The following PLEKHH1 variants were observed in gnomAD, a reference collection of about 807,000 sequenced individuals.
PLEKHH1 encodes the protein pleckstrin homology, MyTH4 and FERM domain containing H1.
PLEKHH1 carries 104 observed loss-of-function variants against 160.0 expected under a neutral mutation model. That is an observed-to-expected ratio of 0.65 (90% CI 0.55 to 0.76). PLEKHH1 has a LOEUF of 0.76. PLEKHH1 is among the 30% of genes least tolerant of loss of function. The pLI is 0.00. For synonymous variants in PLEKHH1, 619 were observed against 678.4 expected (o/e 0.91, Z 1.36); for missense variants, 1,427 against 1,724.1 (o/e 0.83, Z 3.05).
intron 26 of PLEKHH1, among the ~76,000 whole-genome samples, chr14:67,584,598 A>G (rs912258800): frequency 3.3e-5 from 5 of 152,226 alleles, no homozygotes; most frequent in African/African-American, 1.2e-4. Flanking sequence ...CATAAACTTT[A>G]TAGATAATTA....
intron 2 of PLEKHH1, among the ~76,000 whole-genome samples, chr14:67,545,825 G>A (rs371445454): frequency 1.3e-5 from 2 of 152,076 alleles, no homozygotes; most frequent in African/African-American, 4.8e-5. Flanking sequence ...TACAGTTTAT[G>A]TACTTCTAAA....
intron 10 of PLEKHH1, 107 bp downstream of exon 10, chr14:67,572,009 C>T: frequency 6.7e-7 from 1 of 1,483,296 alleles, no homozygotes; most frequent in South Asian, 1.3e-5. Flanking sequence ...CTCGTGACCC[C>T]CCAGCAGCTC....
At chr14:67,542,897 T>C (rs1196924749) in intron 2 of PLEKHH1, among the ~76,000 whole-genome samples, 1 of 152,054 alleles carries the variant, frequency 6.6e-6, no homozygotes, top group Non-Finnish European at 1.5e-5. Context: ...ACGTGGTTTC[T>C]CCATGTTGGT....
intron 17 of PLEKHH1, 50 bp from the exon 18 acceptor site, chr14:67,577,252 C>A: frequency 3.5e-6 from 4 of 1,146,312 alleles, no homozygotes; most frequent in South Asian, 2.6e-5. Context: ...GGAGATGAGT[C>A]CCCTCTCAGT....
Position 67,582,158 on chromosome 14 carries a change from G to A in PLEKHH1, c.3374G>A (p.Arg1125Lys). ...SQTSREIVAG[R>K]FPINKELALE... Reference sequence around the variant, plus strand: ...ACCAGTAGAGAGATAGTGGCAGGGAGGTTTCCTATCAACAAGGAATTGGCT... The same window carrying A: ...ACCAGTAGAGAGATAGTGGCAGGGAAGTTTCCTATCAACAAGGAATTGGCT... Residue 1125 changes from arginine to lysine, a missense_variant, in exon 24 of 29, where the codon AGG becomes AAG. Physicochemically the swap from Arg to Lys is conservative, Grantham distance 26. Around this residue, in one of 6 missense-constraint regions of PLEKHH1, gnomAD observed 436 missense variants for 607.5 expected, o/e 0.72. Transcript: ENST00000329153. This position sits in a 1 kb window ranked among gnomAD's most constrained non-coding sequence, Gnocchi z 5.0. 2 of 1,613,552 alleles carry A rather than the reference G, an allele frequency of 1.2e-6. No individual in the cohort carries two copies. The highest frequency in any genetic ancestry group is 1.1e-5 in the South Asian group (1 of 91,002).
chr14:67,573,359 G>A lies in PLEKHH1; in HGVS notation c.1812G>A (p.Gln604=), dbSNP rs1306551437. The A allele has an allele frequency of 3.1e-6, 5 of 1,612,148 alleles. No homozygotes were observed. Among genetic ancestry groups the A allele is most frequent in the East Asian group, 2.2e-5 (1 of 44,872 alleles). The change falls in exon 12 of 29, where the codon CAG becomes CAA. Residue 604 remains glutamine, a synonymous_variant. Coordinates refer to ENST00000329153, the MANE Select transcript of PLEKHH1 (RefSeq NM_020715.3). This position sits in a 1 kb window ranked among gnomAD's most constrained non-coding sequence, Gnocchi z 4.8. ...AGAGGCGCTGGTTTGTCCTGAGACA[G>A]GGACAGATTATGTACTACAAGTCCC... is the stretch of plus-strand genomic sequence containing the variant. The part of the protein sequence containing the change: ...TWKRRWFVLR[Q]GQIMYYKSPS...
chr14:67,558,635 A>G (rs1051614612), intron 4 of PLEKHH1, among the ~76,000 whole-genome samples: 3 of 152,190 alleles, frequency 2.0e-5, no homozygotes, highest in Non-Finnish European at 2.9e-5. Flanking sequence ...CAATCTCATA[A>G]AAGAAAAGGC....
At chr14:67,586,798 C>T (rs2036187710) in intron 28 of PLEKHH1, 9 of 1,406,652 alleles carry the variant, frequency 6.4e-6, no homozygotes, top group African/African-American at 1.4e-5. Flanking sequence ...AAGGCCCCTT[C>T]CCTGGTTGTA....
At chr14:67,546,254 T>C (rs1485802074) in intron 2 of PLEKHH1, among the ~76,000 whole-genome samples, 1 of 152,224 alleles carries the variant, frequency 6.6e-6, no homozygotes, top group Non-Finnish European at 1.5e-5. Context: ...TCTGTCATGG[T>C]CCATTTCTTA....
intron 7 of PLEKHH1, among the ~76,000 whole-genome samples, chr14:67,563,352 C>T (rs2034930483): frequency 6.6e-6 from 1 of 151,642 alleles, no homozygotes; most frequent in African/African-American, 2.4e-5. Context: ...TGTGAAAGTA[C>T]TTACAGTAGT....
intron 15 of PLEKHH1, 147 bp from the exon 16 acceptor site, chr14:67,575,676 T>C: frequency 1.4e-6 from 1 of 722,992 alleles, no homozygotes; most frequent in East Asian, 2.7e-5. Flanking sequence ...GCTGCCAGCC[T>C]GGCTGGGATG....
intron 5 of PLEKHH1, among the ~76,000 whole-genome samples, chr14:67,561,311 G>A (rs1055248687): frequency 3.3e-5 from 5 of 152,232 alleles, no homozygotes; most frequent in Non-Finnish European, 5.9e-5. Context: ...AGCACTTTGG[G>A]AGACCTAGGC....
intron 1 of PLEKHH1, among the ~76,000 whole-genome samples, chr14:67,537,381 A>ATAATAATAAT (rs763238564): frequency 1.0e-5 from 1 of 98,384 alleles, no homozygotes; most frequent in African/African-American, 4.1e-5. Flanking sequence ...AATAATAATA[A>ATAATAATAAT]AAACTTAATC....
chr14:67,575,801 C>T (rs1224796995), intron 15 of PLEKHH1, 22 bp from the exon 16 acceptor site: 2 of 1,597,620 alleles, frequency 1.3e-6, no homozygotes, highest in African/African-American at 1.3e-5. Context: ...CTCTCCCATT[C>T]ATGGAAGACT....
chr14:67,574,552 A>C lies in PLEKHH1; in HGVS notation c.2088+149A>C. ...CAGTGACTCGCTGGCCAGCCCTCAA[A>C]CGTGGTCTGGCCACACAAGGTGATG... On this transcript the variant is annotated intron_variant, in intron 14 of 28. Transcript: ENST00000329153. This position sits in a 1 kb window ranked among gnomAD's most constrained non-coding sequence, Gnocchi z 4.2. 3.4e-6 allele frequency: 2 copies of C among 590,774 alleles called. No homozygotes were observed. The highest frequency in any genetic ancestry group is 5.5e-6 in the Non-Finnish European group (2 of 363,074). 36.6% of individuals were successfully genotyped at this position (590,774 alleles called of 1,614,324 possible). A position where few individuals can be genotyped will look rare whatever the true frequency, so the allele number is the denominator to read the frequency against.
At chr14:67,584,213 C>T in intron 26 of PLEKHH1, 89 bp downstream of exon 26, 1 of 1,348,416 alleles carries the variant, frequency 7.4e-7, no homozygotes, top group Non-Finnish European at 1.0e-6. Flanking sequence ...GCCCCTACCT[C>T]CATACCAGTA....
rs1311096158 is a variant in PLEKHH1 at position 67,582,159 on chromosome 14, G to T, written c.3375G>T (p.Arg1125Ser). 1 of 1,613,602 alleles carries T rather than the reference G, an allele frequency of 6.2e-7. No individual in the cohort carries two copies. The highest frequency in any genetic ancestry group is 8.5e-7 in the Non-Finnish European group (1 of 1,179,792). Residue 1125 changes from arginine (R) to serine (S), a missense_variant, in exon 24 of 29, where the codon AGG becomes AGT. Physicochemically the swap from Arg to Ser is moderately radical, Grantham distance 110 (BLOSUM62 -1). This residue lies in a region of PLEKHH1 where 436 missense variants were observed against 607.5 expected (regional missense o/e 0.72). Transcript: ENST00000329153. This position sits in a 1 kb window ranked among gnomAD's most constrained non-coding sequence, Gnocchi z 5.0. ...SQTSREIVAGRFPINKELALE... is the reference protein window; with the variant it reads ...SQTSREIVAGSFPINKELALE... ...CCAGTAGAGAGATAGTGGCAGGGAG[G>T]TTTCCTATCAACAAGGAATTGGCTC...
Position 67,541,917 on chromosome 14 carries a change from G to T in PLEKHH1, c.50G>T (p.Arg17Leu). ...EAPASVDWQK[R>L]CLTLETQLFR... ...CCGGCCAGCGTAGACTGGCAGAAACGCTGCCTGACCCTGGAAACTCAGCTT... is the reference window on the plus strand; with the variant it reads ...CCGGCCAGCGTAGACTGGCAGAAACTCTGCCTGACCCTGGAAACTCAGCTT... The change falls in exon 2 of 29, where the codon CGC (arginine) becomes CTC (leucine). Residue 17 changes from arginine (R) to leucine (L), a missense_variant. Arg to Leu is a moderately radical substitution (Grantham distance 102). Transcript: ENST00000329153. 1 of 1,605,278 alleles carries T rather than the reference G, an allele frequency of 6.2e-7. No homozygotes were observed. Among genetic ancestry groups the T allele is most frequent in the Non-Finnish European group, 8.5e-7 (1 of 1,176,046 alleles).
intron 2 of PLEKHH1, among the ~76,000 whole-genome samples, chr14:67,547,512 T>G (rs1594748715): frequency 6.6e-6 from 1 of 152,194 alleles, no homozygotes; most frequent in Non-Finnish European, 1.5e-5. Flanking sequence ...CTACACGCAC[T>G]GGGAGGAGCC....
Sources: gnomAD v4.1 joint callset for allele counts (sites outside exome capture counted in the v4.1 genomes callset) on GRCh38, gnomAD v4.1.1 for gene constraint, gnomAD v4.1.1 regional missense constraint, Gnocchi (gnomAD v3.1) non-coding constraint, MANE v1.5 for transcripts, NCBI Gene and HGNC (gene_info 2026-07-23, HGNC 2026-07-21) for gene names.